The following ENPP3 variants were observed in gnomAD, a reference collection of about 807,000 sequenced individuals.
ENPP3 encodes ectonucleotide pyrophosphatase/phosphodiesterase 3.
Under a neutral mutation model 117.8 loss-of-function variants are expected in ENPP3, and 104 were observed. That is an observed-to-expected ratio of 0.88 (90% CI 0.75 to 1.04). The LOEUF (loss-of-function observed/expected upper bound fraction) is 1.04, where lower values mean the gene tolerates loss of function less well. ENPP3 is among the 50% of genes least tolerant of loss of function. The pLI is 0.00. For synonymous variants in ENPP3, 380 were observed against 349.9 expected, an observed-to-expected ratio of 1.09 and a Z score of -0.96; for missense variants, 1,026 against 1,051.9, an observed-to-expected ratio of 0.98 and a Z score of 0.34.
intron 11 of ENPP3, among the ~76,000 whole-genome samples, chr6:131,680,186 T>C (rs1470609608): frequency 2.0e-5 from 3 of 152,164 alleles, no homozygotes; most frequent in African/African-American, 7.2e-5. Flanking sequence ...AACAGTGATT[T>C]GGACTAAGGT....
chr6:131,670,930 T>C (rs1778726101), intron 6 of ENPP3, among the ~76,000 whole-genome samples: 1 of 152,198 alleles, frequency 6.6e-6, no homozygotes, highest in South Asian at 2.1e-4. Flanking sequence ...TTATTGTCTA[T>C]GGATGCTTTG....
Position 131,658,346 on chromosome 6 carries a change from T to C in ENPP3, c.488T>C (p.Leu163Ser). ...PEGFDLPPVI[L>S]FSMDGFRAEY... ...AGGTTTGACCTGCCACCAGTTATCT[T>C]GTTTTCTATGGATGGATTTAGAGCT... The change falls in exon 6 of 25, where the codon TTG becomes TCG. Residue 163 changes from leucine (L) to serine (S), a missense_variant. Coordinates refer to ENST00000357639, the MANE Select transcript of ENPP3 (RefSeq NM_005021.5). 6.2e-7 allele frequency: 1 copy of C among 1,609,468 alleles called. No individual in the cohort carries two copies. Among genetic ancestry groups the C allele is most frequent in the Non-Finnish European group, 8.5e-7 (1 of 1,176,020 alleles).
At chr6:131,650,901 A>AT (rs895533988) in intron 3 of ENPP3, among the ~76,000 whole-genome samples, 1 of 151,954 alleles carries the variant, frequency 6.6e-6, no homozygotes, top group African/African-American at 2.4e-5. Context: ...TAATGACCTC[A>AT]TTTTACTTGA....
chr6:131,690,627 T>A (rs577894666), intron 14 of ENPP3, among the ~76,000 whole-genome samples: 2 of 152,258 alleles, frequency 1.3e-5, no homozygotes, highest in Non-Finnish European at 2.9e-5. Flanking sequence ...GGTATGCCTG[T>A]GGAGTAAAAT....
intron 7 of ENPP3, among the ~76,000 whole-genome samples, chr6:131,672,731 CA>C (rs1778772315): frequency 6.6e-6 from 1 of 151,036 alleles, no homozygotes; most frequent in South Asian, 2.1e-4. Flanking sequence ...TGCACAAATG[CA>C]ATTAATTTAC....
chr6:131,691,696 G>A (rs1380228872), intron 14 of ENPP3, among the ~76,000 whole-genome samples: 1 of 152,004 alleles, frequency 6.6e-6, no homozygotes, highest in African/African-American at 2.4e-5. Context: ...TTCTTCACAG[G>A]TAGGTAGTGA....
chr6:131,718,476 A>G (rs1779944388), intron 15 of ENPP3, among the ~76,000 whole-genome samples, 196 bp from the exon 16 acceptor site: 1 of 151,990 alleles, frequency 6.6e-6, no homozygotes, highest in Non-Finnish European at 1.5e-5. Context: ...TATGAATTTG[A>G]GCATGAAAAT....
intron 2 of ENPP3, among the ~76,000 whole-genome samples, chr6:131,647,139 G>T (rs796683561): frequency 3.0e-4 from 46 of 152,194 alleles, no homozygotes; most frequent in African/African-American, 1.1e-3. Flanking sequence ...CTCCCAAAGT[G>T]CTGGGATTAT....
intron 6 of ENPP3, among the ~76,000 whole-genome samples, chr6:131,660,503 A>C (rs1778476405): frequency 6.6e-6 from 1 of 152,248 alleles, no homozygotes; most frequent in South Asian, 2.1e-4. Context: ...GGAAACTGTC[A>C]AGTGGGATAG....
chr6:131,730,185 G>A (rs1780245655), intron 20 of ENPP3, among the ~76,000 whole-genome samples: 1 of 152,134 alleles, frequency 6.6e-6, no homozygotes, highest in Non-Finnish European at 1.5e-5. Context: ...ATGTGTGTTA[G>A]GAAATATCAA....
chr6:131,731,456 G>A (rs973211739), intron 20 of ENPP3, among the ~76,000 whole-genome samples: 6 of 152,114 alleles, frequency 3.9e-5, no homozygotes, highest in Admixed American at 1.3e-4. Flanking sequence ...AGGCTAAATG[G>A]GCAATGAGAT....
intron 19 of ENPP3, 62 bp downstream of exon 19, chr6:131,724,153 C>T: frequency 9.1e-7 from 1 of 1,095,884 alleles, no homozygotes; most frequent in Non-Finnish European, 1.4e-6. Flanking sequence ...ACAATGTGGC[C>T]CTTTTAGGAC....
intron 24 of ENPP3, among the ~76,000 whole-genome samples, chr6:131,740,855 C>A (rs1780514458): frequency 6.6e-6 from 1 of 152,112 alleles, no homozygotes; most frequent in Admixed American, 6.5e-5. Context: ...TTGAAATATA[C>A]AATACATTGT....
chr6:131,677,990 C>A, intron 11 of ENPP3, 50 bp downstream of exon 11: 4 of 1,100,444 alleles, frequency 3.6e-6, no homozygotes, highest in Non-Finnish European at 5.5e-6. Flanking sequence ...AATCATCTAA[C>A]CCTAACCCAC....
At chr6:131,681,856 G>C (rs561811539) in intron 11 of ENPP3, among the ~76,000 whole-genome samples, 13 of 152,146 alleles carry the variant, frequency 8.5e-5, no homozygotes, top group African/African-American at 3.1e-4. Context: ...GTGGGGGATG[G>C]GGAGAGGGAG....
intron 20 of ENPP3, among the ~76,000 whole-genome samples, chr6:131,727,208 G>A (rs553159690): frequency 6.6e-5 from 10 of 152,116 alleles, no homozygotes; most frequent in Non-Finnish European, 1.3e-4. Flanking sequence ...AAGGATAGGA[G>A]CCAAGCAATT....
Position 131,675,111 on chromosome 6 carries a change from A to T in ENPP3, c.794A>T (p.Lys265Ile), listed in dbSNP as rs760703138. The T allele has an allele frequency of 6.2e-7, 1 of 1,613,840 alleles. No homozygotes were observed. The highest frequency in any genetic ancestry group is 2.2e-5 in the East Asian group (1 of 44,862). Reference sequence around the variant, plus strand: ...CTGACAGCAATGTATCAAGGTTTAAAAGCCGCTACCTACTTTTGGCCCGGA... The same window carrying T: ...CTGACAGCAATGTATCAAGGTTTAATAGCCGCTACCTACTTTTGGCCCGGA... ...MWLTAMYQGL[K>I]AATYFWPGSE... The change falls in exon 9 of 25, where the codon AAA becomes ATA. Residue 265 changes from lysine to isoleucine, a missense_variant. Coordinates refer to ENST00000357639, the MANE Select transcript of ENPP3 (RefSeq NM_005021.5).
intron 20 of ENPP3, among the ~76,000 whole-genome samples, chr6:131,732,476 G>T (rs996061959): frequency 6.6e-6 from 1 of 151,824 alleles, no homozygotes; most frequent in East Asian, 1.9e-4. Flanking sequence ...GCAGTGGCAC[G>T]ATCTCAGCTG....
At position 131,685,445 on chromosome 6, in the gene ENPP3, G is replaced by A. The variant is rs1172615372; in HGVS notation, c.1202G>A (p.Gly401Glu). The A allele has an allele frequency of 1.2e-6, 2 of 1,613,646 alleles. No homozygotes were observed. Among genetic ancestry groups the A allele is most frequent in the Admixed American group, 1.7e-5 (1 of 59,994 alleles). The change falls in exon 13 of 25, where the codon GGG becomes GAG. Residue 401 changes from glycine to glutamate, a missense_variant. Coordinates refer to ENST00000357639, the MANE Select transcript of ENPP3 (RefSeq NM_005021.5). Reference protein sequence around the residue: ...PRINFFYMYEGPAPRIRAHNI... With the variant: ...PRINFFYMYEEPAPRIRAHNI... ...ATAAACTTCTTCTACATGTACGAAG[G>A]GCCTGCCCCCCGCATCCGAGCTCAT...
Sources: allele counts gnomAD v4.1 joint callset (sites outside exome capture counted in the v4.1 genomes callset), GRCh38; gene constraint gnomAD v4.1.1; transcripts MANE v1.5; gene names NCBI Gene and HGNC (gene_info 2026-07-23, HGNC 2026-07-21).